The following CNTN5 variants were observed in gnomAD, a reference collection of about 807,000 sequenced individuals.
The protein encoded by CNTN5 is contactin-5.
A neutral mutation model predicts 129.1 loss-of-function variants in CNTN5; 77 were observed. The observed-to-expected ratio is 0.60, with a 90% confidence interval of 0.50 to 0.72. CNTN5 has a LOEUF of 0.72. CNTN5 is among the 30% of genes least tolerant of loss of function. The pLI is 0.00. For synonymous variants in CNTN5, 509 were observed against 465.6 expected (o/e 1.09, Z -1.20); for missense variants, 1,478 against 1,328.8 (o/e 1.11, Z -1.75).
At chr11:99,335,870 AG>A (rs1866199038) in intron 2 of CNTN5, among the ~76,000 whole-genome samples, 1 of 152,096 alleles carries the variant, frequency 6.6e-6, no homozygotes, top group Non-Finnish European at 1.5e-5. Flanking sequence ...CAATGAGTAC[AG>A]GAACAGTCCT....
At chr11:100,052,351 T>G (rs981656533) in intron 9 of CNTN5, among the ~76,000 whole-genome samples, 1 of 151,752 alleles carries the variant, frequency 6.6e-6, no homozygotes, top group African/African-American at 2.4e-5. Flanking sequence ...CTGGACAGTA[T>G]AGTCAGGCAT....
chr11:99,750,969 T>A (rs969406919), intron 3 of CNTN5, among the ~76,000 whole-genome samples: 3 of 152,200 alleles, frequency 2.0e-5, no homozygotes, highest in Admixed American at 6.5e-5. Flanking sequence ...AGTCACGTGG[T>A]CTTTCAATTA....
intron 1 of CNTN5, among the ~76,000 whole-genome samples, chr11:99,244,712 C>G (rs958554866): frequency 5.9e-5 from 9 of 152,148 alleles, no homozygotes; most frequent in African/African-American, 2.2e-4. Flanking sequence ...CATGCAAAAT[C>G]AGACTTTTTG....
intron 9 of CNTN5, among the ~76,000 whole-genome samples, chr11:100,039,425 G>C (rs537474761): frequency 6.6e-6 from 1 of 152,126 alleles, no homozygotes; most frequent in Admixed American, 6.5e-5. Flanking sequence ...TTCAACTTTG[G>C]TGAATCTGAC....
rs181752211 is a variant in CNTN5, at chr11:99,280,444, C to T, written c.-209-44902C>T. On this transcript the variant is annotated intron_variant, in intron 1 of 24. Transcript: ENST00000524871. ...CTAAGGTGGAATGCCAAAACCAAAC[C>T]TCAAATAAAGTTATGAAACTGAAAA... Among the ~76,000 whole-genome samples, 4 of 151,610 alleles carry T rather than the reference C, an allele frequency of 2.6e-5. No homozygotes were observed. In the East Asian group the frequency reaches 5.8e-4, roughly 22 times the overall value.
chr11:99,940,602 C>G (rs187789667), intron 7 of CNTN5, among the ~76,000 whole-genome samples: 1 of 152,216 alleles, frequency 6.6e-6, no homozygotes, highest in East Asian at 1.9e-4. Context: ...GCATTTTCAT[C>G]TCTTCCTTGA....
chr11:100,216,583 A>C (rs11223269), intron 15 of CNTN5, among the ~76,000 whole-genome samples: 17,824 of 151,756 alleles, frequency 0.12, 1,467 homozygotes, highest in East Asian at 0.47. Flanking sequence ...ATACTAGATA[A>C]GTGTCACAAT....
intron 1 of CNTN5, among the ~76,000 whole-genome samples, chr11:99,287,870 AAGG>A (rs1474166424): frequency 6.6e-6 from 1 of 151,994 alleles, no homozygotes; most frequent in Non-Finnish European, 1.5e-5. Context: ...TGGAGGAATA[AAGG>A]AGAAGAGGAA....
chr11:99,599,799 A>C (rs1466069552), intron 3 of CNTN5, among the ~76,000 whole-genome samples: 1 of 152,160 alleles, frequency 6.6e-6, no homozygotes, highest in Admixed American at 6.6e-5. Flanking sequence ...AGGCACAGAC[A>C]CTTTGTCAGA....
At chr11:99,841,409 A>T (rs574334238) in intron 4 of CNTN5, among the ~76,000 whole-genome samples, 11 of 152,140 alleles carry the variant, frequency 7.2e-5, no homozygotes, top group Non-Finnish European at 1.5e-4. Context: ...CTTAAAATCA[A>T]CTGTCTTCTT....
At chr11:99,174,157 C>A (rs886545529) in intron 1 of CNTN5, among the ~76,000 whole-genome samples, 2 of 152,066 alleles carry the variant, frequency 1.3e-5, no homozygotes, top group African/African-American at 4.8e-5. Context: ...TGCCACCACG[C>A]CTGACTAATT....
chr11:99,929,089 T>G (rs1240222239), intron 7 of CNTN5, among the ~76,000 whole-genome samples: 2 of 152,156 alleles, frequency 1.3e-5, no homozygotes, highest in Non-Finnish European at 2.9e-5. Context: ...GCTGCCAGTC[T>G]CTTTGCTAAA....
chr11:100,098,495 TTTACTC>T (rs749528619), intron 13 of CNTN5, among the ~76,000 whole-genome samples: 8 of 152,054 alleles, frequency 5.3e-5, no homozygotes, highest in Non-Finnish European at 1.2e-4. Context: ...GTGTTTTAGA[TTTACTC>T]TATTAGGAAA....
At chr11:99,673,102 T>G (rs1472833552) in intron 3 of CNTN5, among the ~76,000 whole-genome samples, 2 of 152,108 alleles carry the variant, frequency 1.3e-5, no homozygotes. Context: ...GATCCTCAGC[T>G]TATAAGTTTA....
chr11:99,392,179 C>T (rs966112598), intron 2 of CNTN5, among the ~76,000 whole-genome samples: 2 of 150,856 alleles, frequency 1.3e-5, no homozygotes, highest in African/African-American at 2.4e-5. Flanking sequence ...GCTTTTAGAT[C>T]CCATGGCAGT....
chr11:99,618,697 G>A (rs1196461331), intron 3 of CNTN5, among the ~76,000 whole-genome samples: 1 of 152,092 alleles, frequency 6.6e-6, no homozygotes, highest in Non-Finnish European at 1.5e-5. Flanking sequence ...ATATAATCTA[G>A]TTAACCTGGG....
chr11:100,203,799 T>TACACCCACAC (rs373015585), intron 15 of CNTN5, among the ~76,000 whole-genome samples: 4 of 139,190 alleles, frequency 2.9e-5, no homozygotes, highest in African/African-American at 1.1e-4. Flanking sequence ...AATGTGCACG[T>TACACCCACAC]ACACACACAC....
intron 6 of CNTN5, among the ~76,000 whole-genome samples, chr11:99,878,441 G>T (rs1025074272): frequency 1.3e-5 from 2 of 152,138 alleles, no homozygotes; most frequent in Non-Finnish European, 2.9e-5. Flanking sequence ...GAACAACAGT[G>T]CAAGGTAGTG....
chr11:99,984,412 C>T (rs555209323), intron 8 of CNTN5, among the ~76,000 whole-genome samples: 1 of 152,140 alleles, frequency 6.6e-6, no homozygotes, highest in East Asian at 1.9e-4. Context: ...AGAGAAACCA[C>T]GATGGGGAAT....
Sources: allele counts gnomAD v4.1 joint callset (sites outside exome capture counted in the v4.1 genomes callset), GRCh38; gene constraint gnomAD v4.1.1; transcripts MANE v1.5; gene names NCBI Gene and HGNC (gene_info 2026-07-23, HGNC 2026-07-21).